The following MINDY3 variants were observed in gnomAD, a reference collection of about 807,000 sequenced individuals.
The protein encoded by MINDY3 is MINDY lysine 48 deubiquitinase 3.
MINDY3 carries 38 observed loss-of-function variants against 69.2 expected under a neutral mutation model. The observed-to-expected ratio is 0.55, with a 90% CI of 0.42 to 0.72. The LOEUF is 0.72. Ranked by LOEUF, MINDY3 falls within the 30% of genes least tolerant of loss-of-function variation. The probability of loss-of-function intolerance (pLI) is 0.00; values close to 1 mark genes in which losing one functional copy is unlikely to be tolerated. For missense variants in MINDY3, 522 were observed against 519.0 expected, an observed-to-expected ratio of 1.01 and a Z score of -0.06; for synonymous variants, 192 against 180.1, an observed-to-expected ratio of 1.07 and a Z score of -0.53.
intron 9 of MINDY3, among the ~76,000 whole-genome samples, chr10:15,818,204 A>C (rs1280846758): frequency 6.6e-6 from 1 of 152,076 alleles, no homozygotes; most frequent in African/African-American, 2.4e-5. Flanking sequence ...AAGTTTTCTG[A>C]CTTCTATCTA....
intron 11 of MINDY3, among the ~76,000 whole-genome samples, chr10:15,789,703 T>C (rs113833515): frequency 1.3e-5 from 2 of 152,246 alleles, no homozygotes; most frequent in Non-Finnish European, 2.9e-5. Context: ...AAAATAATTC[T>C]TTACCAACAA....
intron 11 of MINDY3, among the ~76,000 whole-genome samples, chr10:15,792,052 G>A (rs1417942138): frequency 6.6e-6 from 1 of 152,024 alleles, no homozygotes; most frequent in Non-Finnish European, 1.5e-5. Context: ...CACTGTACTT[G>A]AGACTAACAT....
intron 4 of MINDY3, 33 bp from the exon 5 acceptor site, chr10:15,838,312 A>G (rs1389158309): frequency 4.5e-6 from 7 of 1,553,650 alleles, no homozygotes; most frequent in Non-Finnish European, 6.1e-6. Context: ...AGCACTACAC[A>G]TGGCAAATAA....
intron 1 of MINDY3, among the ~76,000 whole-genome samples, chr10:15,850,468 G>A (rs557332124): frequency 1.3e-5 from 2 of 152,282 alleles, no homozygotes; most frequent in Non-Finnish European, 2.9e-5. Flanking sequence ...GAACAGCCCT[G>A]AGAAAGAGAA....
rs148485895 is a variant in MINDY3 at position 15,785,226 on chromosome 10, G to T, written c.1116+1335C>A. On this transcript the variant is annotated intron_variant, in intron 13 of 14. Transcript: ENST00000277632. ...CAGGCCCAGGTGGAGAGTGTCTTCA[G>T]AATAGCAGGCAACAAGTAAACAGTG... Among the ~76,000 whole-genome samples, 538 of 152,236 alleles carry T rather than the reference G, an allele frequency of 3.5e-3. 4 individuals are homozygous for T. Among genetic ancestry groups the T allele is most frequent in the African/African-American group, 0.012 (512 of 41,542 alleles).
chr10:15,845,391 A>G (rs1588641555), intron 2 of MINDY3, among the ~76,000 whole-genome samples: 2 of 152,206 alleles, frequency 1.3e-5, no homozygotes, highest in East Asian at 3.8e-4. Flanking sequence ...ATACTCTAAA[A>G]AAGTTTTAAT....
At chr10:15,804,663 A>C (rs1366288580) in intron 10 of MINDY3, among the ~76,000 whole-genome samples, 1 of 152,156 alleles carries the variant, frequency 6.6e-6, no homozygotes, top group Admixed American at 6.6e-5. Context: ...AATGCTGTAT[A>C]ATTTACCTTT....
chr10:15,789,281 T>TCACATCTTC lies in MINDY3; in HGVS notation c.985_993dup (p.Glu329_Val331dup), dbSNP rs758270320. ...TCTGAAACAAGGTCCAATGCTTTCA[T>TCACATCTTC]CACATCTTCCAGAAGTGAATCGGGT... On this transcript the variant is annotated inframe_insertion, in exon 12 of 15. Transcript: ENST00000277632. 1 of 1,611,780 alleles carries TCACATCTTC rather than the reference T, an allele frequency of 6.2e-7. No homozygotes were observed. Among genetic ancestry groups the TCACATCTTC allele is most frequent in the Non-Finnish European group, 8.5e-7 (1 of 1,178,644 alleles).
At position 15,780,295 on chromosome 10, in the gene MINDY3, C is replaced by T. The variant is rs146506030; in HGVS notation, c.1189-1154G>A. ...AGAAAGTGCTAAAGATACATTGTAA[C>T]GTGAAATACATTTTTTGGCATCTTT... On this transcript the variant is annotated intron_variant, in intron 14 of 14. Coordinates refer to ENST00000277632, the MANE Select transcript of MINDY3 (RefSeq NM_024948.4). Among the ~76,000 whole-genome samples, 751 of 152,170 alleles carry T rather than the reference C, an allele frequency of 4.9e-3. 10 individuals are homozygous for T. The highest frequency in any genetic ancestry group is 0.017 in the African/African-American group (707 of 41,540).
chr10:15,791,063 C>T (rs1034803500), intron 11 of MINDY3, among the ~76,000 whole-genome samples: 2 of 152,140 alleles, frequency 1.3e-5, no homozygotes, highest in African/African-American at 4.8e-5. Context: ...AGATTTACAA[C>T]TCATAAGCAC....
intron 11 of MINDY3, among the ~76,000 whole-genome samples, chr10:15,795,878 C>G (rs7905215): frequency 0.015 from 2,273 of 152,106 alleles, 48 homozygotes; most frequent in African/African-American, 0.049. Context: ...GGGTCAACTA[C>G]ACCTTCAGTA....
At chr10:15,826,205 G>T (rs1309901849) in intron 8 of MINDY3, among the ~76,000 whole-genome samples, 2 of 152,174 alleles carry the variant, frequency 1.3e-5, no homozygotes. Flanking sequence ...TATTTTAAGT[G>T]CGTAGGGAAG....
At chr10:15,857,140 TCTC>T (rs1834746742) in intron 1 of MINDY3, among the ~76,000 whole-genome samples, 2 of 152,162 alleles carry the variant, frequency 1.3e-5, no homozygotes, top group African/African-American at 4.8e-5. Context: ...CTTTTATTAC[TCTC>T]CTTTTCCTTT....
rs1322223851 is a variant in MINDY3, at chr10:15,838,211, G to A, written c.461+17C>T. 1.3e-6 allele frequency: 2 copies of A among 1,598,090 alleles called. No homozygotes were observed. Among genetic ancestry groups the A allele is most frequent in the Admixed American group, 3.6e-5 (2 of 56,246 alleles). ...TGTCCACAGAGTAAGTATTTTAAATGTTCCAATGTTACTTACTGAATTAAT... is the reference window on the plus strand; with the variant it reads ...TGTCCACAGAGTAAGTATTTTAAATATTCCAATGTTACTTACTGAATTAAT... On this transcript the variant is annotated intron_variant, in intron 5 of 14. Transcript: ENST00000277632.
chr10:15,785,762 G>A (rs988206083), intron 13 of MINDY3, among the ~76,000 whole-genome samples: 2 of 151,994 alleles, frequency 1.3e-5, no homozygotes, highest in African/African-American at 4.8e-5. Context: ...ATTACATTCT[G>A]AATTTTAGTA....
At chr10:15,849,696 T>C (rs1208277359) in intron 1 of MINDY3, among the ~76,000 whole-genome samples, 2 of 152,134 alleles carry the variant, frequency 1.3e-5, no homozygotes, top group Non-Finnish European at 2.9e-5. Context: ...GTGAGAGCAA[T>C]GGAGAGGGTG....
chr10:15,848,427 G>C (rs1270050063), intron 1 of MINDY3, among the ~76,000 whole-genome samples: 1 of 151,920 alleles, frequency 6.6e-6, no homozygotes, highest in Non-Finnish European at 1.5e-5. Flanking sequence ...GAGGTCAGGA[G>C]ATCGAGACCA....
At chr10:15,800,992 A>G (rs1838217778) in intron 10 of MINDY3, among the ~76,000 whole-genome samples, 1 of 152,240 alleles carries the variant, frequency 6.6e-6, no homozygotes, top group African/African-American at 2.4e-5. Context: ...ACTTAATGCC[A>G]GCAAAGGATG....
At position 15,834,560 on chromosome 10, in the gene MINDY3, A is replaced by G; in HGVS notation, c.633T>C (p.Pro211=). 1 of 1,611,536 alleles carries G rather than the reference A, an allele frequency of 6.2e-7. No individual in the cohort carries two copies. The highest frequency in any genetic ancestry group is 8.5e-7 in the Non-Finnish European group (1 of 1,178,226). ...IEDASEPLID[P]VYGHGSQSLI... ...TTAATTACCTGCCATGTCCATATAC[A>G]GGATCTATCAAGGGTTCACTTGCAT... The change falls in exon 7 of 15, where the codon CCT becomes CCC. Residue 211 remains proline (P), a synonymous_variant. Transcript: ENST00000277632.
Sources: allele counts gnomAD v4.1 joint callset (sites outside exome capture counted in the v4.1 genomes callset), GRCh38; gene constraint gnomAD v4.1.1; transcripts MANE v1.5; gene names NCBI Gene and HGNC (gene_info 2026-07-23, HGNC 2026-07-21).